MTIF2: variants seen among roughly 807,000 people sequenced by gnomAD.
MTIF2 encodes the protein mitochondrial translational initiation factor 2, also known as translation initiation factor IF-2, mitochondrial.
A neutral mutation model predicts 83.5 loss-of-function variants in MTIF2; 71 were observed. That is an observed-to-expected ratio of 0.85 (90% confidence interval 0.70 to 1.04). The LOEUF is 1.04. MTIF2 is among the 50% of genes least tolerant of loss of function. The probability of loss-of-function intolerance (pLI) is 0.00; values close to 1 mark genes in which losing one functional copy is unlikely to be tolerated. For missense variants in MTIF2, 957 were observed against 846.5 expected (o/e 1.13, Z -1.62); for synonymous variants, 319 against 287.1 (o/e 1.11, Z -1.12).
At chr2:55,244,266 C>A in intron 10 of MTIF2, 33 bp from the exon 11 acceptor site, 2 of 1,503,106 alleles carry the variant, frequency 1.3e-6, no homozygotes, top group South Asian at 1.2e-5. Context: ...TTTTCAATGT[C>A]ATAATGTACT....
At chr2:55,256,306 A>ACG (rs1175651589) in intron 5 of MTIF2, among the ~76,000 whole-genome samples, 82 of 11,486 alleles carry the variant, frequency 7.1e-3, no homozygotes, top group African/African-American at 0.011. Flanking sequence ...ACATATACAC[A>ACG]CACACACACA....
chr2:55,261,723 G>C (rs1047881526), intron 5 of MTIF2, among the ~76,000 whole-genome samples: 8 of 151,908 alleles, frequency 5.3e-5, no homozygotes, highest in Non-Finnish European at 1.0e-4. Flanking sequence ...AGGATTACTT[G>C]CACCCAGGAG....
At chr2:55,240,817 A>G (rs1676251309) in intron 13 of MTIF2, among the ~76,000 whole-genome samples, 1 of 152,260 alleles carries the variant, frequency 6.6e-6, no homozygotes, top group East Asian at 1.9e-4. Flanking sequence ...AACACAAAAA[A>G]TGACCAGGGC....
At position 55,252,560 on chromosome 2, in the gene MTIF2, T is replaced by G. The variant is rs776877313; in HGVS notation, c.758A>C (p.Asp253Ala). The change falls in exon 8 of 16, where the codon GAC (aspartate) becomes GCC (alanine). Residue 253 changes from aspartate (D) to alanine (A), a missense_variant. By Grantham distance (126) the Asp-to-Ala change is moderately radical (BLOSUM62 -2). Coordinates refer to ENST00000263629, the MANE Select transcript of MTIF2 (RefSeq NM_002453.3). ...AMRARGAQVT[D>A]IVVLVVAADD... is the part of the protein sequence containing the mutation. ...TGCAGCTACAACCAATACGACAATGTCAGTGACCTGAGCACCTCTGGCTCT... is the reference window on the plus strand; with the variant it reads ...TGCAGCTACAACCAATACGACAATGGCAGTGACCTGAGCACCTCTGGCTCT... The G allele has an allele frequency of 4.5e-5, 73 of 1,614,022 alleles. No homozygotes were observed. The highest frequency in any genetic ancestry group is 6.1e-5 in the Non-Finnish European group (72 of 1,179,998).
intron 14 of MTIF2, among the ~76,000 whole-genome samples, chr2:55,239,162 G>A (rs1371136754): frequency 6.6e-6 from 1 of 152,184 alleles, no homozygotes; most frequent in African/African-American, 2.4e-5. Flanking sequence ...ATACTGTTGG[G>A]ACAACGGACA....
intron 5 of MTIF2, 150 bp from the exon 6 acceptor site, chr2:55,254,975 T>TA: frequency 6.9e-6 from 3 of 435,924 alleles, no homozygotes; most frequent in Non-Finnish European, 1.1e-5. Flanking sequence ...ACAAGGAAGC[T>TA]AAAAAATGTT....
intron 3 of MTIF2, chr2:55,266,432 A>C (rs902398284): frequency 6.6e-6 from 1 of 151,720 alleles, no homozygotes; most frequent in Non-Finnish European, 1.5e-5. Context: ...AGGCTGAGGC[A>C]GGAGAATTTC....
intron 3 of MTIF2, 132 bp from the exon 4 acceptor site, chr2:55,263,997 C>T (rs1678241590): frequency 7.4e-6 from 5 of 675,360 alleles, no homozygotes; most frequent in Non-Finnish European, 1.2e-5. Flanking sequence ...AAACTGGGTT[C>T]CTGCCCTGAA....
rs1348484740 is a variant in MTIF2, at chr2:55,265,230, C to CA, written c.-7-1366dup. 2.3e-5 allele frequency among the ~76,000 whole-genome samples: 3 copies of CA among 128,820 alleles called. No homozygotes were observed. In the Admixed American group the frequency reaches 2.5e-4, roughly 11 times the overall value. 84.5% of individuals were successfully genotyped at this position (128,820 alleles called of 152,430 possible). On this transcript the variant is annotated intron_variant, in intron 3 of 15. Transcript: ENST00000263629. ...TGCACTCTAGCCTGGACGACAAGAA[C>CA]AAAACTCTGTCTTGAAAAAAAAAAA... is the stretch of plus-strand genomic sequence containing the variant.
At chr2:55,244,842 T>C (rs1005495986) in intron 10 of MTIF2, among the ~76,000 whole-genome samples, 1 of 151,718 alleles carries the variant, frequency 6.6e-6, no homozygotes, top group Admixed American at 6.6e-5. Flanking sequence ...AGGTCAGTAG[T>C]TCAAGACCAG....
chr2:55,266,648 A>G (rs1012291363), intron 3 of MTIF2: 1 of 148,412 alleles, frequency 6.7e-6, no homozygotes, highest in African/African-American at 2.5e-5. Flanking sequence ...TTTCTACTAG[A>G]TAGTCTTTAA....
At chr2:55,246,655 G>C (rs1203155917) in intron 9 of MTIF2, among the ~76,000 whole-genome samples, 194 bp from the exon 10 acceptor site, 1 of 152,046 alleles carries the variant, frequency 6.6e-6, no homozygotes, top group Non-Finnish European at 1.5e-5. Context: ...ACAATGGGAA[G>C]AATGGAAGGG....
intron 14 of MTIF2, 57 bp downstream of exon 14, chr2:55,239,954 G>C (rs1037572352): frequency 6.9e-7 from 1 of 1,457,802 alleles, no homozygotes; most frequent in Non-Finnish European, 9.3e-7. Context: ...GCTTTGAAGT[G>C]CTATTTATAG....
chr2:55,255,484 T>C (rs1677445208), intron 5 of MTIF2, among the ~76,000 whole-genome samples: 1 of 147,136 alleles, frequency 6.8e-6, no homozygotes, highest in South Asian at 2.1e-4. Flanking sequence ...TATTTATATA[T>C]AAATACATAT....
At position 55,240,043 on chromosome 2, in the gene MTIF2, C is replaced by G; in HGVS notation, c.1838G>C (p.Arg613Thr). The stretch of plus-strand genomic sequence containing the variant: ...GTGCTCTTCCACAGCACAGGGTAAT[C>G]TGCTGCTCAGTTCCTCTTGCAAATC... ...VEDLQEELSS[R>T]LPCAVEEHPV... The change falls in exon 14 of 16, where the codon AGA becomes ACA. Residue 613 changes from arginine (R) to threonine (T), a missense_variant. By Grantham distance (71) the Arg-to-Thr change is moderately conservative (BLOSUM62 -1). Coordinates refer to ENST00000263629, the MANE Select transcript of MTIF2 (RefSeq NM_002453.3). 6.2e-7 allele frequency: 1 copy of G among 1,613,198 alleles called. No homozygotes were observed. The highest frequency in any genetic ancestry group is 8.5e-7 in the Non-Finnish European group (1 of 1,179,950).
At chr2:55,237,063 T>G (rs1675888097) in intron 15 of MTIF2, among the ~76,000 whole-genome samples, 1 of 152,196 alleles carries the variant, frequency 6.6e-6, no homozygotes, top group Non-Finnish European at 1.5e-5. Context: ...CATAAACTTT[T>G]TGCTGAGGAC....
chr2:55,246,470 A>G lies in MTIF2; in HGVS notation c.982-9T>C, dbSNP rs758220487. On this transcript the variant is annotated splice_polypyrimidine_tract_variant and intron_variant, in intron 9 of 15. Transcript: ENST00000263629. ...GCCATCAGATTATCGCCCTTTAACAATAACAAACGTTGTTAATACACATTA... is the reference window on the plus strand; with the variant it reads ...GCCATCAGATTATCGCCCTTTAACAGTAACAAACGTTGTTAATACACATTA... 7.4e-6 allele frequency: 12 copies of G among 1,611,848 alleles called. No homozygotes were observed. The East Asian group carries it at 2.2e-4, about 30-fold the overall frequency.
At chr2:55,256,715 T>TC (rs1558574035) in intron 5 of MTIF2, among the ~76,000 whole-genome samples, 2 of 80,148 alleles carry the variant, frequency 2.5e-5, no homozygotes, top group African/African-American at 9.2e-5. Context: ...AAAAAAAAAA[T>TC]TTTTTTTGAG....
rs1236194002 is a variant in MTIF2, at chr2:55,245,194, T to C, written c.1107-961A>G. On this transcript the variant is annotated intron_variant, in intron 10 of 15. Transcript: ENST00000263629. ...ATGGACACATACTGTATGATTCCAC[T>C]CATATGAAGTATCTAAAGTAGGCAC... is the stretch of plus-strand genomic sequence containing the variant. 2.6e-5 allele frequency among the ~76,000 whole-genome samples: 4 copies of C among 152,166 alleles called. No individual in the cohort carries two copies. The East Asian group carries it at 7.8e-4, about 30-fold the overall frequency.
Sources: gnomAD v4.1 joint callset for allele counts (sites outside exome capture counted in the v4.1 genomes callset) on GRCh38, gnomAD v4.1.1 for gene constraint, MANE v1.5 for transcripts, NCBI Gene and HGNC (gene_info 2026-07-23, HGNC 2026-07-21) for gene names.